Variants in GIGYF2 observed in about 807,000 individuals in gnomAD.
GIGYF2 encodes the protein GRB10 interacting GYF protein 2.
A neutral mutation model predicts 208.1 loss-of-function variants in GIGYF2; 25 were observed. The ratio of observed to expected loss-of-function variants is 0.12; its 90% CI spans 0.09 to 0.17. The LOEUF is 0.17. Among genes scored for constraint, GIGYF2 ranks in the 10% least tolerant of loss-of-function variants. The pLI, the probability that GIGYF2 is intolerant of heterozygous loss-of-function variation, is 1.00. For synonymous variants in GIGYF2, 534 were observed against 543.8 expected, an observed-to-expected ratio of 0.98 and a Z score of 0.25; for missense variants, 1,302 against 1,579.4, an observed-to-expected ratio of 0.82 and a Z score of 2.98.
At chr2:232,754,799 T>A (rs184603647) in intron 5 of GIGYF2, among the ~76,000 whole-genome samples, 1 of 152,216 alleles carries the variant, frequency 6.6e-6, no homozygotes, top group African/African-American at 2.4e-5. Context: ...AATTTTTGAG[T>A]TTGGTGTCTT....
At position 232,858,613 on chromosome 2, in the gene GIGYF2, T is replaced by C. The variant is rs1690662801; in HGVS notation, c.*1753T>C. The C allele has an allele frequency of 2.2e-6, 1 of 454,058 alleles. No homozygotes were observed. The allele number at this position is 454,058 out of a possible 1,614,324, so 28.1% of individuals were successfully genotyped here. ...AAAATAAAAAAGAACTTAAATAAAA[T>C]CTGATTGTATTCTATCTGAGTGCAC... is the stretch of plus-strand genomic sequence containing the variant. On this transcript the variant is annotated 3_prime_UTR_variant, in exon 29 of 29. Coordinates refer to ENST00000373563, the MANE Select transcript of GIGYF2 (RefSeq NM_001103146.3).
chr2:232,743,441 G>A (rs1698041127), intron 3 of GIGYF2, among the ~76,000 whole-genome samples: 1 of 152,070 alleles, frequency 6.6e-6, no homozygotes, highest in Non-Finnish European at 1.5e-5. Context: ...TTAGGTTCGG[G>A]GGTACATGTG....
chr2:232,757,856 T>G (rs1698610335), intron 6 of GIGYF2, among the ~76,000 whole-genome samples: 1 of 151,000 alleles, frequency 6.6e-6, no homozygotes, highest in Non-Finnish European at 1.5e-5. Context: ...GAATTTCTCC[T>G]TGCTTTTTGG....
intron 21 of GIGYF2, chr2:232,828,728 A>G (rs1341725126): frequency 2.0e-5 from 3 of 152,140 alleles, no homozygotes; most frequent in African/African-American, 4.8e-5. Context: ...ACAACCCCCC[A>G]CTGCTGAATC....
At chr2:232,771,212 T>C (rs747234040) in intron 8 of GIGYF2, 5 of 1,612,838 alleles carry the variant, frequency 3.1e-6, no homozygotes, top group South Asian at 2.2e-5. Context: ...CGCCAGCGCA[T>C]GTCCATTAGG....
chr2:232,772,127 T>G (rs1252197402), intron 8 of GIGYF2, among the ~76,000 whole-genome samples: 3 of 152,202 alleles, frequency 2.0e-5, no homozygotes, highest in African/African-American at 7.2e-5. Context: ...TTGCCTAGGC[T>G]GGTCTCAGAC....
intron 3 of GIGYF2, among the ~76,000 whole-genome samples, chr2:232,739,397 G>A (rs1376995060): frequency 1.4e-5 from 2 of 139,576 alleles, no homozygotes; most frequent in East Asian, 4.1e-4. Flanking sequence ...AAAAGGGTTA[G>A]GCATGGTGGC....
chr2:232,846,311 TAAAG>T (rs1702002530), intron 26 of GIGYF2, among the ~76,000 whole-genome samples: 1 of 152,226 alleles, frequency 6.6e-6, no homozygotes, highest in Non-Finnish European at 1.5e-5. Context: ...GGAATTGTGA[TAAAG>T]CAAGTACACT....
intron 2 of GIGYF2, among the ~76,000 whole-genome samples, chr2:232,724,015 T>G (rs959252371): frequency 6.6e-6 from 1 of 151,560 alleles, no homozygotes; most frequent in African/African-American, 2.4e-5. Flanking sequence ...ATTACGGGTA[T>G]GAGCCACTGC....
chr2:232,699,849 G>T (rs1695767789), intron 1 of GIGYF2, among the ~76,000 whole-genome samples: 1 of 152,174 alleles, frequency 6.6e-6, no homozygotes, highest in Admixed American at 6.5e-5. Context: ...TCTAATTCAT[G>T]TGTATATCCT....
At chr2:232,743,351 C>T (rs538774064) in intron 3 of GIGYF2, among the ~76,000 whole-genome samples, 10 of 152,092 alleles carry the variant, frequency 6.6e-5, no homozygotes, top group African/African-American at 2.4e-4. Flanking sequence ...TAGAGACAGA[C>T]GAAAGCACAT....
At position 232,726,969 on chromosome 2, in the gene GIGYF2, G is replaced by A. The variant is rs1045905708; in HGVS notation, c.-43-8186G>A. 3.3e-5 allele frequency among the ~76,000 whole-genome samples: 5 copies of A among 152,232 alleles called. No homozygotes were observed. The South Asian group carries it at 1.0e-3, about 32-fold the overall frequency. ...ATTTCTGTGGAATGTTACACAGCTT[G>A]CTTTTTTTTTGGGGGCGCAGAGTCT... On this transcript the variant is annotated intron_variant, in intron 2 of 28. Transcript: ENST00000373563.
At chr2:232,823,155 CTG>C (rs1235188101) in intron 21 of GIGYF2, among the ~76,000 whole-genome samples, 1 of 151,870 alleles carries the variant, frequency 6.6e-6, no homozygotes, top group African/African-American at 2.4e-5. Context: ...ATATTAATAA[CTG>C]AGTTATTAAT....
chr2:232,789,262 G>A (rs558118556), intron 9 of GIGYF2, among the ~76,000 whole-genome samples: 1 of 152,218 alleles, frequency 6.6e-6, no homozygotes, highest in East Asian at 1.9e-4. Flanking sequence ...GATGTGCGTG[G>A]GGGTGGGAAC....
chr2:232,719,578 A>G (rs753462670), intron 2 of GIGYF2, among the ~76,000 whole-genome samples: 7 of 152,190 alleles, frequency 4.6e-5, no homozygotes, highest in Non-Finnish European at 1.0e-4. Context: ...CCACAAAGTG[A>G]TAGATGAGGT....
rs778168948 is a variant in GIGYF2, at chr2:232,832,924, T to C, written c.2597T>C (p.Leu866Pro). 2 of 1,565,506 alleles carry C rather than the reference T, an allele frequency of 1.3e-6. No homozygotes were observed. Among genetic ancestry groups the C allele is most frequent in the South Asian group, 2.4e-5 (2 of 84,766 alleles). Reference sequence around the variant, plus strand: ...CAGCGTCGATTAGAGGAGAACCGGCTGCGGATGGAAGAGGAGGCAGCCAGA... The same window carrying C: ...CAGCGTCGATTAGAGGAGAACCGGCCGCGGATGGAAGAGGAGGCAGCCAGA... Reference protein sequence around the residue: ...EAQRRLEENRLRMEEEAARLR... With the variant: ...EAQRRLEENRPRMEEEAARLR... The change falls in exon 22 of 29, where the codon CTG (leucine) becomes CCG (proline). Residue 866 changes from leucine to proline, a missense_variant. Transcript: ENST00000373563.
chr2:232,818,411 G>A (rs187437346), intron 20 of GIGYF2, among the ~76,000 whole-genome samples: 98 of 152,264 alleles, frequency 6.4e-4, no homozygotes, highest in Non-Finnish European at 5.9e-4. Context: ...AATTTAGACA[G>A]AAATCACCCA....
At position 232,784,353 on chromosome 2, in the gene GIGYF2, C is replaced by T. The variant is rs80253096; in HGVS notation, c.533-2797C>T. 1.4e-3 allele frequency among the ~76,000 whole-genome samples: 208 copies of T among 150,650 alleles called. 6 individuals carry two copies. The East Asian group carries it at 0.035, about 25-fold the overall frequency. ...ATTTAGCTGAGTGTGGTGGCATGTGCCTGAGGTTCTAGCTACTTACACGAA... is the reference window on the plus strand; with the variant it reads ...ATTTAGCTGAGTGTGGTGGCATGTGTCTGAGGTTCTAGCTACTTACACGAA... On this transcript the variant is annotated intron_variant, in intron 8 of 28. Coordinates refer to ENST00000373563, the MANE Select transcript of GIGYF2 (RefSeq NM_001103146.3).
chr2:232,837,564 C>T (rs1157723133), intron 22 of GIGYF2, among the ~76,000 whole-genome samples: 1 of 152,168 alleles, frequency 6.6e-6, no homozygotes, highest in Non-Finnish European at 1.5e-5. Context: ...AAGCGATCCT[C>T]CTGGCCTCAG....
Sources: gnomAD v4.1 joint callset for allele counts (sites outside exome capture counted in the v4.1 genomes callset) on GRCh38, gnomAD v4.1.1 for gene constraint, MANE v1.5 for transcripts, NCBI Gene and HGNC (gene_info 2026-07-23, HGNC 2026-07-21) for gene names.